Variants in AXDND1 observed in about 807,000 individuals in gnomAD.
AXDND1 encodes the protein axonemal dynein light chain domain-containing protein 1.
A neutral mutation model predicts 137.5 loss-of-function variants in AXDND1; 110 were observed. That is an observed-to-expected ratio of 0.80 (90% CI 0.69 to 0.94). The LOEUF (loss-of-function observed/expected upper bound fraction) is 0.94, where lower values mean the gene tolerates loss of function less well. Ranked by LOEUF, AXDND1 falls within the 40% of genes least tolerant of loss-of-function variation. The pLI is 0.00. For synonymous variants in AXDND1, 414 were observed against 399.7 expected (o/e 1.04, Z -0.43); for missense variants, 1,191 against 1,169.8 (o/e 1.02, Z -0.26).
In AXDND1 at chr1:179,509,344, A is replaced by T; in HGVS notation, c.2437A>T (p.Ile813Phe). The change falls in exon 21 of 26, where the codon ATC becomes TTC. Residue 813 changes from isoleucine to phenylalanine, a missense_variant. Coordinates refer to ENST00000367618, the MANE Select transcript of AXDND1 (RefSeq NM_144696.6). Reference protein sequence around the residue: ...INTCSCLLSNIKGRKITLLTY... With the variant: ...INTCSCLLSNFKGRKITLLTY... ...CACATGCTCTTGCCTCCTTTCTAATATCAAAGGCAGAAAAATTACATTATT... is the reference window on the plus strand; with the variant it reads ...CACATGCTCTTGCCTCCTTTCTAATTTCAAAGGCAGAAAAATTACATTATT... 1 of 1,613,108 alleles carries T rather than the reference A, an allele frequency of 6.2e-7. No homozygotes were observed. Among genetic ancestry groups the T allele is most frequent in the Non-Finnish European group, 8.5e-7 (1 of 1,179,284 alleles).
At chr1:179,369,859 C>T in intron 3 of AXDND1, 116 bp from the exon 4 acceptor site, 17 of 629,408 alleles carry the variant, frequency 2.7e-5, no homozygotes, top group South Asian at 5.2e-5. Context: ...CTCTTTTTTC[C>T]TTAGAGTACC....
Position 179,499,183 on chromosome 1 carries a change from A to G in AXDND1, c.2388+6232A>G, listed in dbSNP as rs149704383. The stretch of plus-strand genomic sequence containing the variant: ...GCAAACAATAATAGACCAAAACTGG[A>G]AACAACCTAAATGTCCATCAATTGC... On this transcript the variant is annotated intron_variant, in intron 20 of 25. Transcript: ENST00000367618. Among the ~76,000 whole-genome samples, 280 of 152,280 alleles carry G rather than the reference A, an allele frequency of 1.8e-3. 3 individuals carry two copies. Among genetic ancestry groups the G allele is most frequent in the Non-Finnish European group, 2.8e-3 (188 of 67,992 alleles).
At chr1:179,435,181 G>A (rs1657968032) in intron 15 of AXDND1, among the ~76,000 whole-genome samples, 1 of 151,980 alleles carries the variant, frequency 6.6e-6, no homozygotes. Flanking sequence ...CACTGCTCAA[G>A]GAAATAAGAG....
At chr1:179,524,755 C>T (rs1670381109) in intron 21 of AXDND1, among the ~76,000 whole-genome samples, 1 of 152,172 alleles carries the variant, frequency 6.6e-6, no homozygotes, top group Non-Finnish European at 1.5e-5. Context: ...TTTTCTCTTC[C>T]TCTGCTTCCC....
chr1:179,468,364 A>C (rs1024757691), intron 16 of AXDND1, 79 bp from the exon 17 acceptor site: 3 of 987,130 alleles, frequency 3.0e-6, no homozygotes, highest in Middle Eastern at 6.7e-4. Context: ...GCCCTTGCTC[A>C]GTAGGATTTT....
rs1558188328 is a variant in AXDND1 at position 179,445,072 on chromosome 1, G to C, written c.1666G>C (p.Gly556Arg). The C allele has an allele frequency of 6.2e-7, 1 of 1,613,376 alleles. No homozygotes were observed. Among genetic ancestry groups the C allele is most frequent in the Admixed American group, 1.7e-5 (1 of 59,998 alleles). ...TTTACAGGAAAACTGGGCAGATATT[G>C]GGCTTGGGATATTTAATCGGCATAA... ...KHLQENWADI[G>R]LGIFNRHKSL... Residue 556 changes from glycine (G) to arginine (R), a missense_variant, in exon 16 of 26, where the codon GGG (glycine) becomes CGG (arginine). By Grantham distance (125) the Gly-to-Arg change is moderately radical. Transcript: ENST00000367618.
At position 179,388,975 on chromosome 1, in the gene AXDND1, TC is replaced by T. The variant is rs201502136; in HGVS notation, c.863+3617del. Among the ~76,000 whole-genome samples the T allele has an allele frequency of 1.6e-4, 9 of 55,384 alleles. 1 individual carries two copies. Among genetic ancestry groups the T allele is most frequent in the East Asian group, 1.2e-3 (2 of 1,718 alleles). 36.3% of individuals were successfully genotyped at this position (55,384 alleles called of 152,430 possible). On this transcript the variant is annotated intron_variant, in intron 9 of 25. Coordinates refer to ENST00000367618, the MANE Select transcript of AXDND1 (RefSeq NM_144696.6). ...TTTTATTGCTTATTCATTTTTAGAT[TC>T]TTTTTTTTTTTTTTTTTGAGATGGA...
Position 179,533,736 on chromosome 1 carries a change from A to T in AXDND1, c.2716-59A>T, listed in dbSNP as rs988155661. The T allele has an allele frequency of 1.3e-5, 17 of 1,331,944 alleles. No individual in the cohort carries two copies. The South Asian group carries it at 2.0e-4, about 16-fold the overall frequency. 82.5% of individuals were successfully genotyped at this position (1,331,944 alleles called of 1,614,324 possible). On this transcript the variant is annotated intron_variant, in intron 23 of 25. Coordinates refer to ENST00000367618, the MANE Select transcript of AXDND1 (RefSeq NM_144696.6). ...GGTTTGATCCAGAACATCCTAAAAAAGTAGAATACTAATTGTTGAGACTGT... is the reference window on the plus strand; with the variant it reads ...GGTTTGATCCAGAACATCCTAAAAATGTAGAATACTAATTGTTGAGACTGT...
At chr1:179,535,750 T>G (rs1368695631) in intron 25 of AXDND1, among the ~76,000 whole-genome samples, 1 of 152,216 alleles carries the variant, frequency 6.6e-6, no homozygotes, top group Admixed American at 6.5e-5. Flanking sequence ...GTAATGGGAT[T>G]GCTGGGTCAA....
chr1:179,376,661 G>A (rs949228014), intron 4 of AXDND1, among the ~76,000 whole-genome samples: 1 of 152,138 alleles, frequency 6.6e-6, no homozygotes, highest in Non-Finnish European at 1.5e-5. Context: ...TTTGGGTGGT[G>A]TTGTTATTAG....
In AXDND1 at chr1:179,528,428, C is replaced by T. The variant is rs1670743107; in HGVS notation, c.2712C>T (p.Ser904=). Residue 904 remains serine (S), a synonymous_variant, in exon 23 of 26, where the codon TCC becomes TCT. Transcript: ENST00000367618. ...KPLFETDVLS[S]WRESAKQGTL... is the part of the protein sequence containing the mutation. ...TATTTGAAACAGATGTGTTGTCTTCCTGGGTATGTATCTGAAACCCAGCTA... is the reference window on the plus strand; with the variant it reads ...TATTTGAAACAGATGTGTTGTCTTCTTGGGTATGTATCTGAAACCCAGCTA... 1 of 1,607,090 alleles carries T rather than the reference C, an allele frequency of 6.2e-7. No homozygotes were observed. The highest frequency in any genetic ancestry group is 1.3e-5 in the African/African-American group (1 of 74,728).
In AXDND1 at chr1:179,468,463, A is replaced by C. The variant is rs748169534; in HGVS notation, c.1819A>C (p.Ser607Arg). ...TCTAGGTTACTCCAAAATTCTTCCAAGTTTGATTAGTTCTCTTGACTTCTG... is the reference window on the plus strand; with the variant it reads ...TCTAGGTTACTCCAAAATTCTTCCACGTTTGATTAGTTCTCTTGACTTCTG... ...GDNGYSKILP[S>R]LISSLDFCSF... Residue 607 changes from serine (S) to arginine (R), a missense_variant, in exon 17 of 26, where the codon AGT (serine) becomes CGT (arginine). Physicochemically the swap from Ser to Arg is moderately radical, Grantham distance 110. Transcript: ENST00000367618. The C allele has an allele frequency of 1.2e-6, 2 of 1,609,602 alleles. No individual in the cohort carries two copies. Among genetic ancestry groups the C allele is most frequent in the South Asian group, 1.1e-5 (1 of 90,210 alleles).
At chr1:179,395,518 A>G (rs1205846344) in intron 11 of AXDND1, among the ~76,000 whole-genome samples, 1 of 152,174 alleles carries the variant, frequency 6.6e-6, no homozygotes, top group Non-Finnish European at 1.5e-5. Flanking sequence ...CTGGAACCAT[A>G]CTGTTTGCTG....
At chr1:179,376,930 GTA>G (rs1647361847) in intron 4 of AXDND1, among the ~76,000 whole-genome samples, 1 of 150,016 alleles carries the variant, frequency 6.7e-6, no homozygotes, top group South Asian at 2.1e-4. Context: ...ATTTAATAAT[GTA>G]GTTTTTTCTT....
chr1:179,466,071 G>A (rs55797340), intron 16 of AXDND1, among the ~76,000 whole-genome samples: 16,381 of 152,050 alleles, frequency 0.11, 1,002 homozygotes, highest in African/African-American at 0.14. Flanking sequence ...TGCACTTCCC[G>A]GGTGAGGCAA....
intron 20 of AXDND1, among the ~76,000 whole-genome samples, chr1:179,507,760 G>A (rs1668669248): frequency 7.2e-6 from 1 of 139,124 alleles, no homozygotes; most frequent in Admixed American, 8.0e-5. Context: ...ATCACTTAGA[G>A]TAAACAAACA....
intron 12 of AXDND1, among the ~76,000 whole-genome samples, chr1:179,429,203 C>T (rs759036212): frequency 6.6e-6 from 1 of 151,608 alleles, no homozygotes; most frequent in Non-Finnish European, 1.5e-5. Flanking sequence ...AGTTTAATTT[C>T]CAATACAGTA....
intron 16 of AXDND1, chr1:179,447,495 G>A (rs1659903875): frequency 1.9e-6 from 1 of 513,760 alleles, no homozygotes. Flanking sequence ...ATTAGGAATA[G>A]GTATAGATTC....
At chr1:179,393,326 G>A (rs1360254043) in intron 9 of AXDND1, among the ~76,000 whole-genome samples, 2 of 152,140 alleles carry the variant, frequency 1.3e-5, no homozygotes, top group Non-Finnish European at 2.9e-5. Context: ...GTTGGTCTAT[G>A]TGCCTATTTT....
Sources: allele counts gnomAD v4.1 joint callset (sites outside exome capture counted in the v4.1 genomes callset), GRCh38; gene constraint gnomAD v4.1.1; transcripts MANE v1.5; gene names NCBI Gene and HGNC (gene_info 2026-07-23, HGNC 2026-07-21).